The following SATB1 variants were observed in gnomAD, a reference collection of about 807,000 sequenced individuals.
The protein encoded by SATB1 is DNA-binding protein SATB1.
In SATB1, 11 loss-of-function variants were observed where a neutral mutation model predicts 86.9. The ratio of observed to expected loss-of-function variants is 0.13; its 90% CI spans 0.08 to 0.21. SATB1 has a LOEUF of 0.21. Ranked by LOEUF, SATB1 falls within the 10% of genes least tolerant of loss-of-function variation. The pLI, the probability that SATB1 is intolerant of heterozygous loss-of-function variation, is 1.00. For missense variants in SATB1, 551 were observed against 937.6 expected, an observed-to-expected ratio of 0.59 and a Z score of 5.39; for synonymous variants, 357 against 357.2, an observed-to-expected ratio of 1.00 and a Z score of 0.01.
At position 18,384,877 on chromosome 3, in the gene SATB1, A is replaced by G. The variant is rs373197405; in HGVS notation, c.1419+1522T>C. Among the ~76,000 whole-genome samples the G allele has an allele frequency of 2.0e-5, 3 of 152,304 alleles. No homozygotes were observed. The South Asian group carries it at 6.2e-4, about 32-fold the overall frequency. The stretch of plus-strand genomic sequence containing the variant: ...GTGTGTACATACGTATATAGATGCC[A>G]TGCTTTTCTCCTAAAGAAGCATGAC... On this transcript the variant is annotated intron_variant, in intron 8 of 10. Coordinates refer to ENST00000338745, the MANE Select transcript of SATB1 (RefSeq NM_002971.6).
intron 9 of SATB1, among the ~76,000 whole-genome samples, chr3:18,362,831 T>TA (rs1274608338): frequency 1.1e-5 from 1 of 89,626 alleles, no homozygotes; most frequent in Non-Finnish European, 2.3e-5. Flanking sequence ...TAAGAAAAAA[T>TA]ATTGCTGAAT....
Position 18,349,765 on chromosome 3 carries a change from C to A in SATB1, c.1780-83G>T. The A allele has an allele frequency of 6.7e-7, 1 of 1,493,404 alleles. No individual in the cohort carries two copies. 92.5% of individuals were successfully genotyped at this position (1,493,404 alleles called of 1,614,324 possible). A position where few individuals can be genotyped will look rare whatever the true frequency, so the allele number is the denominator to read the frequency against. On this transcript the variant is annotated intron_variant, in intron 10 of 10. Coordinates refer to ENST00000338745, the MANE Select transcript of SATB1 (RefSeq NM_002971.6). The surrounding 1 kb of genome is among the most constrained non-coding windows in gnomAD (Gnocchi z 5.5). ...CGTCTCCAATCAGGAAAAATGTGGT[C>A]CCGGATCCTACATATAGCTTCTTTG...
intron 5 of SATB1, among the ~76,000 whole-genome samples, chr3:18,407,184 T>C (rs1359435712): frequency 1.3e-5 from 2 of 152,058 alleles, no homozygotes; most frequent in Admixed American, 6.6e-5. Context: ...TTTATTCTAC[T>C]TGACATTATC....
At chr3:18,390,094 A>AAAAC (rs1696573040) in intron 7 of SATB1, among the ~76,000 whole-genome samples, 1 of 152,204 alleles carries the variant, frequency 6.6e-6, no homozygotes, top group South Asian at 2.1e-4. Context: ...AAAGAAAGAA[A>AAAAC]AAACCTCCAA....
chr3:18,383,335 T>C (rs890709414), intron 8 of SATB1, among the ~76,000 whole-genome samples: 16 of 152,336 alleles, frequency 1.1e-4, no homozygotes, highest in Non-Finnish European at 1.9e-4. Context: ...GTTTAGGTCC[T>C]TGTTATGGTA....
chr3:18,359,664 G>T (rs768454932), intron 9 of SATB1, among the ~76,000 whole-genome samples: 1 of 150,958 alleles, frequency 6.6e-6, no homozygotes, highest in Non-Finnish European at 1.5e-5. Flanking sequence ...AAATGTTCCC[G>T]TTTTTTTTCT....
chr3:18,434,600 G>C (rs1575186590), intron 2 of SATB1, among the ~76,000 whole-genome samples: 2 of 151,906 alleles, frequency 1.3e-5, no homozygotes, highest in Non-Finnish European at 2.9e-5. Flanking sequence ...AAGTAGTGGA[G>C]AAAAGATAGA....
chr3:18,383,674 C>T (rs1409157052), intron 8 of SATB1, among the ~76,000 whole-genome samples: 1 of 151,186 alleles, frequency 6.6e-6, no homozygotes, highest in African/African-American at 2.5e-5. Flanking sequence ...TCCATTTTAT[C>T]CTTTATTTTA....
At chr3:18,351,964 T>C (rs1202787714) in intron 10 of SATB1, 28 bp downstream of exon 10, 1 of 1,603,506 alleles carries the variant, frequency 6.2e-7, no homozygotes, top group African/African-American at 1.3e-5. Context: ...TACTTATTGC[T>C]ATACTGAATT....
At position 18,359,251 on chromosome 3, in the gene SATB1, T is replaced by C. The variant is rs144944008; in HGVS notation, c.1576-7056A>G. Among the ~76,000 whole-genome samples the C allele has an allele frequency of 1.8e-3, 277 of 152,130 alleles. 2 individuals carry two copies. Among genetic ancestry groups the C allele is most frequent in the Middle Eastern group, 6.8e-3 (2 of 294 alleles). ...CTTAGGCTACAAATCATTTGGTCCA[T>C]AACAAGATTATCAAATGACAACCTG... On this transcript the variant is annotated intron_variant, in intron 9 of 10. Transcript: ENST00000338745.
In SATB1 at chr3:18,349,110, G is replaced by A; in HGVS notation, c.*60C>T. On this transcript the variant is annotated 3_prime_UTR_variant, in exon 11 of 11. Coordinates refer to ENST00000338745, the MANE Select transcript of SATB1 (RefSeq NM_002971.6). This position sits in a 1 kb window ranked among gnomAD's most constrained non-coding sequence, Gnocchi z 5.5. ...AGGTTTTCTGAGAGAAGACAAGGTGGACTTTTCATTTTGTTAGTAAATACC... is the reference window on the plus strand; with the variant it reads ...AGGTTTTCTGAGAGAAGACAAGGTGAACTTTTCATTTTGTTAGTAAATACC... 1 of 1,559,572 alleles carries A rather than the reference G, an allele frequency of 6.4e-7. No homozygotes were observed. Among genetic ancestry groups the A allele is most frequent in the Non-Finnish European group, 8.7e-7 (1 of 1,154,498 alleles).
chr3:18,406,463 A>T (rs1697540716), intron 5 of SATB1, among the ~76,000 whole-genome samples: 1 of 152,042 alleles, frequency 6.6e-6, no homozygotes, highest in South Asian at 2.1e-4. Flanking sequence ...GTGGGTCTCA[A>T]ATATAATGTA....
intron 9 of SATB1, among the ~76,000 whole-genome samples, chr3:18,368,887 CT>C (rs1424003423): frequency 6.6e-6 from 1 of 152,104 alleles, no homozygotes; most frequent in Non-Finnish European, 1.5e-5. Flanking sequence ...TTTCCACCAG[CT>C]TATCTGCCTT....
chr3:18,434,757 T>G (rs1699003890), intron 2 of SATB1, among the ~76,000 whole-genome samples: 1 of 151,852 alleles, frequency 6.6e-6, no homozygotes, highest in African/African-American at 2.4e-5. Context: ...TTTCTTCAAT[T>G]AAAAAAATTA....
Position 18,420,890 on chromosome 3 carries a change from T to A in SATB1, c.78A>T (p.Pro26=). 6.2e-7 allele frequency: 1 copy of A among 1,614,230 alleles called. No homozygotes were observed. Among genetic ancestry groups the A allele is most frequent in the Non-Finnish European group, 8.5e-7 (1 of 1,180,038 alleles). Residue 26 remains proline, a synonymous_variant, in exon 2 of 11, where the codon CCA becomes CCT. Transcript: ENST00000338745. ...GCTCCAGGCGGGCAATCTTGGCTGGTGGACCCTTCGGATCACTCACATTGT... is the reference window on the plus strand; with the variant it reads ...GCTCCAGGCGGGCAATCTTGGCTGGAGGACCCTTCGGATCACTCACATTGT... The part of the protein sequence containing the change: ...MSNNVSDPKG[P]PAKIARLEQN...
At chr3:18,440,936 T>A (rs956484662), upstream of SATB1, among the ~76,000 whole-genome samples, 1 of 152,212 alleles carries the variant, frequency 6.6e-6, no homozygotes, top group African/African-American at 2.4e-5. Flanking sequence ...TGAAATATCA[T>A]AGAACTTAAT....
chr3:18,407,014 A>G (rs1415888005), intron 5 of SATB1, among the ~76,000 whole-genome samples: 1 of 152,036 alleles, frequency 6.6e-6, no homozygotes, highest in Non-Finnish European at 1.5e-5. Flanking sequence ...CAGTGTACAC[A>G]GCCTAGTTAG....
chr3:18,346,460 G>T lies in SATB1; in HGVS notation c.*2710C>A. Reference sequence around the variant, plus strand: ...TAACAAGAGGAGGATTGGCATGAGCGATAAATGACATTGGGGGAGCAATAT... The same window carrying T: ...TAACAAGAGGAGGATTGGCATGAGCTATAAATGACATTGGGGGAGCAATAT... On this transcript the variant is annotated 3_prime_UTR_variant, in exon 11 of 11. Transcript: ENST00000338745. 6.6e-6 allele frequency: 1 copy of T among 152,194 alleles called. No individual in the cohort carries two copies. The allele number at this position is 152,194 out of a possible 1,614,324, so 9.4% of individuals were successfully genotyped here.
At chr3:18,416,221 C>T (rs1264202559) in intron 3 of SATB1, 88 bp from the exon 4 acceptor site, 10 of 999,156 alleles carry the variant, frequency 1.0e-5, no homozygotes, top group Non-Finnish European at 1.4e-5. Flanking sequence ...TTTCTACTAC[C>T]CCTACCACAA....
Sources: gnomAD v4.1 joint callset for allele counts (sites outside exome capture counted in the v4.1 genomes callset) on GRCh38, gnomAD v4.1.1 for gene constraint, Gnocchi (gnomAD v3.1) non-coding constraint, MANE v1.5 for transcripts, NCBI Gene and HGNC (gene_info 2026-07-23, HGNC 2026-07-21) for gene names.